Variants in GTF2A1L observed in about 807,000 individuals in gnomAD.
GTF2A1L encodes TFIIA-alpha and beta-like factor.
GTF2A1L carries 48 observed loss-of-function variants against 49.7 expected under a neutral mutation model. The ratio of observed to expected loss-of-function variants is 0.97; its 90% CI spans 0.77 to 1.23. GTF2A1L has a LOEUF of 1.23. GTF2A1L is among the 50% of genes most tolerant of loss of function. GTF2A1L has a pLI of 0.00. For synonymous variants in GTF2A1L, 246 were observed against 193.5 expected, an observed-to-expected ratio of 1.27 and a Z score of -2.25; for missense variants, 736 against 564.8, an observed-to-expected ratio of 1.30 and a Z score of -3.07.
chr2:48,667,472 T>C (rs1447451906), intron 6 of GTF2A1L, among the ~76,000 whole-genome samples: 6 of 152,224 alleles, frequency 3.9e-5, no homozygotes, highest in African/African-American at 7.2e-5. Context: ...AGTATGGTAG[T>C]GGCATTCTTT....
At chr2:48,640,586 T>G (rs1677146785) in intron 3 of GTF2A1L, among the ~76,000 whole-genome samples, 2 of 152,188 alleles carry the variant, frequency 1.3e-5, no homozygotes, top group Non-Finnish European at 2.9e-5. Context: ...GTACTGGGCT[T>G]AATTCCTGGA....
At chr2:48,641,353 T>C (rs1677186569) in intron 3 of GTF2A1L, among the ~76,000 whole-genome samples, 1 of 152,208 alleles carries the variant, frequency 6.6e-6, no homozygotes, top group South Asian at 2.1e-4. Flanking sequence ...GCCTTTCTTC[T>C]GTTGTCTTAA....
intron 6 of GTF2A1L, among the ~76,000 whole-genome samples, chr2:48,655,029 A>T (rs923080131): frequency 6.6e-6 from 1 of 152,186 alleles, no homozygotes; most frequent in African/African-American, 2.4e-5. Flanking sequence ...TCAATTTCTA[A>T]AAAGAAAAAT....
chr2:48,674,929 A>G (rs1679385208), intron 8 of GTF2A1L, among the ~76,000 whole-genome samples: 1 of 152,144 alleles, frequency 6.6e-6, no homozygotes, highest in Admixed American at 6.5e-5. Context: ...AATGGAAAGC[A>G]GGGCATTGGG....
At chr2:48,647,264 A>G in intron 6 of GTF2A1L, 1 of 431,776 alleles carries the variant, frequency 2.3e-6, no homozygotes, top group Non-Finnish European at 4.0e-6. Flanking sequence ...AAGTGTACAG[A>G]TCAGTAGTGT....
chr2:48,670,005 G>A lies in GTF2A1L; in HGVS notation c.1239+23G>A, dbSNP rs771922049. Reference sequence around the variant, plus strand: ...GAGGTGAGGATGACTTTTGAGCTGAGACTTCCTTTATTAATTTATAACATT... The same window carrying A: ...GAGGTGAGGATGACTTTTGAGCTGAAACTTCCTTTATTAATTTATAACATT... On this transcript the variant is annotated intron_variant, in intron 7 of 8. Transcript: ENST00000403751. 8.2e-6 allele frequency: 13 copies of A among 1,580,560 alleles called. No individual in the cohort carries two copies. The African/African-American group carries it at 1.8e-4, about 22-fold the overall frequency.
chr2:48,663,852 A>G (rs888388672), intron 6 of GTF2A1L, among the ~76,000 whole-genome samples: 1 of 152,080 alleles, frequency 6.6e-6, no homozygotes, highest in East Asian at 1.9e-4. Flanking sequence ...AACTCAAGCG[A>G]TCCTTTTGTC....
intron 8 of GTF2A1L, among the ~76,000 whole-genome samples, chr2:48,673,775 C>G (rs1450946707): frequency 6.6e-6 from 1 of 152,014 alleles, no homozygotes; most frequent in Non-Finnish European, 1.5e-5. Context: ...CTGGAGGAAA[C>G]GTAGTAAGGC....
chr2:48,655,988 A>G (rs1427774266), intron 6 of GTF2A1L, among the ~76,000 whole-genome samples: 2 of 152,202 alleles, frequency 1.3e-5, no homozygotes, highest in Admixed American at 6.5e-5. Context: ...GGGTTCATCC[A>G]TGTTGTAGCA....
At chr2:48,676,397 G>A (rs1679468906) in intron 8 of GTF2A1L, among the ~76,000 whole-genome samples, 1 of 151,628 alleles carries the variant, frequency 6.6e-6, no homozygotes, top group African/African-American at 2.4e-5. Flanking sequence ...AAATGTACGT[G>A]GTTAGGTATT....
At position 48,679,466 on chromosome 2, in the gene GTF2A1L, T is replaced by C. The variant is rs747377333; in HGVS notation, c.*24T>C. 57 of 1,610,844 alleles carry C rather than the reference T, an allele frequency of 3.5e-5. 1 individual carries two copies. In the South Asian group the frequency reaches 6.0e-4, roughly 17 times the overall value. On this transcript the variant is annotated 3_prime_UTR_variant, in exon 9 of 9. Coordinates refer to ENST00000403751, the MANE Select transcript of GTF2A1L (RefSeq NM_006872.5). ...AAACCTTGTGAGCTCAGTACATCTA[T>C]TTTGTGAACATCAGTTGGATTATAT...
At chr2:48,629,861 T>G (rs1014302331) in intron 3 of GTF2A1L, among the ~76,000 whole-genome samples, 2 of 144,812 alleles carry the variant, frequency 1.4e-5, no homozygotes, top group African/African-American at 4.9e-5. Flanking sequence ...CATCACCATT[T>G]ATTGACTAGG....
chr2:48,647,218 ACACGTAACATAAAGT>A, intron 6 of GTF2A1L, 176 bp downstream of exon 6: 1 of 565,530 alleles, frequency 1.8e-6, no homozygotes, highest in Non-Finnish European at 2.9e-6. Flanking sequence ...GTGATAAAAT[ACACGTAACATAAAGT>A]TTACCAACTT....
chr2:48,642,016 G>T (rs891371996), intron 3 of GTF2A1L, among the ~76,000 whole-genome samples: 1 of 152,114 alleles, frequency 6.6e-6, no homozygotes, highest in Non-Finnish European at 1.5e-5. Flanking sequence ...ATACAATTTA[G>T]AATGGGTTTA....
intron 6 of GTF2A1L, among the ~76,000 whole-genome samples, chr2:48,650,233 G>A (rs941833869): frequency 2.6e-5 from 4 of 152,088 alleles, no homozygotes; most frequent in African/African-American, 4.8e-5. Flanking sequence ...AAGCTTTTAA[G>A]GATAGGATCT....
chr2:48,629,856 C>T (rs530827542), intron 3 of GTF2A1L, among the ~76,000 whole-genome samples: 19 of 144,708 alleles, frequency 1.3e-4, no homozygotes, highest in African/African-American at 4.4e-4. Flanking sequence ...TGCCCCATCA[C>T]CATTTATTGA....
chr2:48,665,906 G>A (rs1327663672), intron 6 of GTF2A1L, among the ~76,000 whole-genome samples: 2 of 151,962 alleles, frequency 1.3e-5, no homozygotes, highest in Non-Finnish European at 2.9e-5. Flanking sequence ...GGAATTTTAA[G>A]TCTTCACCTG....
At chr2:48,649,131 T>C (rs6756611) in intron 6 of GTF2A1L, among the ~76,000 whole-genome samples, 7,263 of 152,272 alleles carry the variant, frequency 0.048, 572 homozygotes, top group African/African-American at 0.17. Context: ...TGTTCTATTT[T>C]CTTTGTCTGA....
At chr2:48,671,861 A>G (rs759950134) in intron 8 of GTF2A1L, among the ~76,000 whole-genome samples, 181 bp downstream of exon 8, 1 of 152,200 alleles carries the variant, frequency 6.6e-6, no homozygotes, top group South Asian at 2.1e-4. Context: ...TCTCAGTGAT[A>G]CCAGAAAAAG....
Sources: allele counts gnomAD v4.1 joint callset (sites outside exome capture counted in the v4.1 genomes callset), GRCh38; gene constraint gnomAD v4.1.1; transcripts MANE v1.5; gene names NCBI Gene and HGNC (gene_info 2026-07-23, HGNC 2026-07-21).